Variants in PRSS38 observed in about 807,000 individuals in gnomAD.
PRSS38 encodes the protein marapsin 2.
Under a neutral mutation model 26.8 loss-of-function variants are expected in PRSS38, and 22 were observed. The observed-to-expected ratio is 0.82, with a 90% CI of 0.59 to 1.17. The LOEUF is 1.17. Ranked by LOEUF, PRSS38 falls within the 50% of genes most tolerant of loss-of-function variation. PRSS38 has a pLI of 0.00. For missense variants in PRSS38, 427 were observed against 422.7 expected, an observed-to-expected ratio of 1.01 and a Z score of -0.09; for synonymous variants, 175 against 172.1, an observed-to-expected ratio of 1.02 and a Z score of -0.13.
chr1:227,815,713 C>T, exon 1 of PRSS38: 1 of 1,581,786 alleles, frequency 6.3e-7, no homozygotes, highest in South Asian at 1.1e-5. Flanking sequence ...CTGCCTCGAG[C>T]CTCATGGCTG....
At chr1:227,839,650 G>C (rs1418405974) in intron 3 of PRSS38, among the ~76,000 whole-genome samples, 1 of 152,182 alleles carries the variant, frequency 6.6e-6, no homozygotes, top group African/African-American at 2.4e-5. Flanking sequence ...GCTCAGACTG[G>C]CGACAGTTTT....
chr1:227,836,201 C>A (rs143665085), intron 3 of PRSS38, among the ~76,000 whole-genome samples: 1 of 152,012 alleles, frequency 6.6e-6, no homozygotes, highest in East Asian at 1.9e-4. Context: ...TAGGCTCCAG[C>A]GATCCTTCTT....
chr1:227,843,079 G>A (rs560300857), intron 3 of PRSS38, among the ~76,000 whole-genome samples: 5 of 152,246 alleles, frequency 3.3e-5, no homozygotes, highest in East Asian at 1.9e-4. Context: ...ACCCTGAGAC[G>A]GACACTAGGA....
At chr1:227,824,179 A>G (rs1361867313) in intron 3 of PRSS38, among the ~76,000 whole-genome samples, 2 of 152,136 alleles carry the variant, frequency 1.3e-5, no homozygotes, top group Non-Finnish European at 2.9e-5. Context: ...CTAGGTATTA[A>G]GCCCAGCATC....
At position 227,820,923 on chromosome 1, in the gene PRSS38, A is replaced by C. The variant is rs544171245; in HGVS notation, c.583+3443A>C. ...TGTTATAGATCTTTTCAGATTTCCT[A>C]TTTCTTCTGTGTAAGTTTAGATAAT... On this transcript the variant is annotated intron_variant, in intron 3 of 4. Transcript: ENST00000366757. 2.0e-5 allele frequency among the ~76,000 whole-genome samples: 3 copies of C among 152,108 alleles called. No homozygotes were observed. In the South Asian group the frequency reaches 6.2e-4, roughly 32 times the overall value.
chr1:227,816,075 C>T lies in PRSS38; in HGVS notation c.149-15C>T, dbSNP rs779057100. On this transcript the variant is annotated splice_polypyrimidine_tract_variant and intron_variant, in intron 1 of 4. Coordinates refer to ENST00000366757, the Ensembl canonical transcript of PRSS38. This position sits in a 1 kb window ranked among gnomAD's most constrained non-coding sequence, Gnocchi z 5.1. Reference sequence around the variant, plus strand: ...CCCCAGCATGGCTCCACCGTCAGCTCCGTTCTCCCTGCAGCCTGTGGTCGG... The same window carrying T: ...CCCCAGCATGGCTCCACCGTCAGCTTCGTTCTCCCTGCAGCCTGTGGTCGG... 1.9e-6 allele frequency: 3 copies of T among 1,607,912 alleles called. 1 individual carries two copies. Among genetic ancestry groups the T allele is most frequent in the South Asian group, 2.2e-5 (2 of 90,500 alleles).
chr1:227,824,401 C>T (rs981939013), intron 3 of PRSS38, among the ~76,000 whole-genome samples: 6 of 152,134 alleles, frequency 3.9e-5, no homozygotes, highest in Admixed American at 6.6e-5. Context: ...AGGACATGAT[C>T]TCATTTTTTC....
chr1:227,835,455 A>G (rs538431610), intron 3 of PRSS38, among the ~76,000 whole-genome samples: 1 of 152,132 alleles, frequency 6.6e-6, no homozygotes, highest in South Asian at 2.1e-4. Context: ...CACACATAAC[A>G]ACTCCACTCC....
At chr1:227,832,146 A>G (rs1665161899) in intron 3 of PRSS38, among the ~76,000 whole-genome samples, 1 of 152,186 alleles carries the variant, frequency 6.6e-6, no homozygotes, top group African/African-American at 2.4e-5. Context: ...TTGCACGGAT[A>G]TCTTTTTTCA....
At chr1:227,815,968 T>G in intron 1 of PRSS38, 104 bp downstream of exon 1, 1 of 1,345,170 alleles carries the variant, frequency 7.4e-7, no homozygotes, top group Non-Finnish European at 1.0e-6. Context: ...TCCCTTCCCC[T>G]CCCCCATGTC....
At position 227,836,462 on chromosome 1, in the gene PRSS38, C is replaced by T. The variant is rs1420096750; in HGVS notation, c.584-9008C>T. Among the ~76,000 whole-genome samples the T allele has an allele frequency of 9.6e-4, 4 of 4,168 alleles. 1 individual carries two copies. Among genetic ancestry groups the T allele is most frequent in the East Asian group, 3.7e-3 (2 of 542 alleles). 2.7% of individuals were successfully genotyped at this position (4,168 alleles called of 152,430 possible). A position where few individuals can be genotyped will look rare whatever the true frequency, so the allele number is the denominator to read the frequency against. On this transcript the variant is annotated intron_variant, in intron 3 of 4. Coordinates refer to ENST00000366757, the Ensembl canonical transcript of PRSS38. ...CAGCACTTTGGGAGGCCGAGGCGGGCGGATCACGAGGTCAGGAGATCGAGA... is the reference window on the plus strand; with the variant it reads ...CAGCACTTTGGGAGGCCGAGGCGGGTGGATCACGAGGTCAGGAGATCGAGA...
At chr1:227,839,844 T>A (rs1346452419) in intron 3 of PRSS38, among the ~76,000 whole-genome samples, 1 of 152,210 alleles carries the variant, frequency 6.6e-6, no homozygotes, top group Non-Finnish European at 1.5e-5. Context: ...CCGGGCACTT[T>A]CTTAATTCTT....
At chr1:227,836,816 A>G (rs1170548740) in intron 3 of PRSS38, among the ~76,000 whole-genome samples, 1 of 152,196 alleles carries the variant, frequency 6.6e-6, no homozygotes, top group African/African-American at 2.4e-5. Context: ...AAACTCTAAA[A>G]TCCACAAATA....
chr1:227,846,090 T>C, exon 5 of PRSS38: 5 of 1,614,204 alleles, frequency 3.1e-6, no homozygotes, highest in African/African-American at 1.3e-5. Flanking sequence ...TCAAAATGGA[T>C]ATGTGATAAC....
chr1:227,825,227 A>C (rs972973855), intron 3 of PRSS38, among the ~76,000 whole-genome samples: 1 of 152,122 alleles, frequency 6.6e-6, no homozygotes, highest in Non-Finnish European at 1.5e-5. Context: ...TCAGTCTGTC[A>C]CCAGGCTGGG....
intron 3 of PRSS38, among the ~76,000 whole-genome samples, chr1:227,831,060 C>T (rs1303490298): frequency 6.6e-6 from 1 of 151,698 alleles, no homozygotes; most frequent in Non-Finnish European, 1.5e-5. Context: ...TTCTTATTTT[C>T]TTCCTTCTGA....
intron 3 of PRSS38, among the ~76,000 whole-genome samples, chr1:227,844,173 T>C (rs1372737181): frequency 6.6e-6 from 1 of 152,162 alleles, no homozygotes. Context: ...AAACACAGGA[T>C]TGGGGTTAGG....
At chr1:227,824,404 A>G (rs986452228) in intron 3 of PRSS38, among the ~76,000 whole-genome samples, 2 of 151,862 alleles carry the variant, frequency 1.3e-5, no homozygotes, top group Admixed American at 1.3e-4. Flanking sequence ...ACATGATCTC[A>G]TTTTTTCATG....
In PRSS38 at chr1:227,815,877, C is replaced by T; in HGVS notation, c.148+13C>T. 4 of 1,591,536 alleles carry T rather than the reference C, an allele frequency of 2.5e-6. No individual in the cohort carries two copies. Among genetic ancestry groups the T allele is most frequent in the Non-Finnish European group, 2.6e-6 (3 of 1,164,582 alleles). On this transcript the variant is annotated intron_variant, in intron 1 of 4. Coordinates refer to ENST00000366757, the Ensembl canonical transcript of PRSS38. ...ACTGGCAGCGTGGGTAGGCCCTGCC[C>T]CAGGGGCGGATGGGCGGCTGGAGAC...
Sources: allele counts gnomAD v4.1 joint callset (sites outside exome capture counted in the v4.1 genomes callset), GRCh38; gene constraint gnomAD v4.1.1; non-coding constraint Gnocchi (gnomAD v3.1); transcripts MANE v1.5; gene names NCBI Gene and HGNC (gene_info 2026-07-23, HGNC 2026-07-21).